The following PBX4 variants were observed in gnomAD, a reference collection of about 807,000 sequenced individuals.
The protein encoded by PBX4 is PBX homeobox 4.
In PBX4, 26 loss-of-function variants were observed where a neutral mutation model predicts 35.1. That is an observed-to-expected ratio of 0.74 (90% CI 0.54 to 1.03). PBX4 has a LOEUF of 1.03. Ranked by LOEUF, PBX4 falls within the 50% of genes least tolerant of loss-of-function variation. The pLI is 0.00. For missense variants in PBX4, 448 were observed against 504.3 expected (o/e 0.89, Z 1.07); for synonymous variants, 199 against 204.2 (o/e 0.97, Z 0.22).
chr19:19,614,669 CCCAAA>C (rs1161495807), intron 1 of PBX4, among the ~76,000 whole-genome samples: 2 of 151,894 alleles, frequency 1.3e-5, no homozygotes, highest in African/African-American at 4.8e-5. Context: ...CTCAAAAAAA[CCCAAA>C]CCAAACCAAA....
intron 1 of PBX4, among the ~76,000 whole-genome samples, chr19:19,615,409 A>G (rs2061684109): frequency 6.6e-6 from 1 of 152,074 alleles, no homozygotes; most frequent in Non-Finnish European, 1.5e-5. Flanking sequence ...CAAACAGAGC[A>G]TCTGAAACTA....
Position 19,563,225 on chromosome 19 carries a change from G to A in PBX4, c.1032+284C>T, listed in dbSNP as rs1029041391. Among the ~76,000 whole-genome samples the A allele has an allele frequency of 2.0e-5, 3 of 152,144 alleles. No individual in the cohort carries two copies. Among genetic ancestry groups the A allele is most frequent in the Non-Finnish European group, 4.4e-5 (3 of 68,002 alleles). ...CACCATGTCCTCCCACAGTCCTCTA[G>A]GAGGTGCCCTTCCCCTCCACAGCCA... On this transcript the variant is annotated intron_variant, in intron 7 of 7. Transcript: ENST00000251203. The surrounding 1 kb of genome is among the most constrained non-coding windows in gnomAD (Gnocchi z 5.1).
Position 19,570,523 on chromosome 19 carries a change from C to T in PBX4, c.441+63G>A. 3 of 1,588,506 alleles carry T rather than the reference C, an allele frequency of 1.9e-6. No individual in the cohort carries two copies. The South Asian group carries it at 3.5e-5, about 18-fold the overall frequency. On this transcript the variant is annotated intron_variant, in intron 3 of 7. Coordinates refer to ENST00000251203, the MANE Select transcript of PBX4 (RefSeq NM_025245.3). The stretch of plus-strand genomic sequence containing the variant: ...CCACGAAAGAAAGGTGGTTAGCGTT[C>T]CGTGTTTCGCTTTGACAAATGCGCA...
chr19:19,605,188 C>T (rs557860914), intron 1 of PBX4, among the ~76,000 whole-genome samples: 1 of 151,230 alleles, frequency 6.6e-6, no homozygotes, highest in East Asian at 1.9e-4. Context: ...GAAGCCAAGG[C>T]AGGTGGATCA....
chr19:19,593,193 G>C (rs956411608), intron 2 of PBX4, among the ~76,000 whole-genome samples: 4 of 152,206 alleles, frequency 2.6e-5, no homozygotes, highest in African/African-American at 9.7e-5. Flanking sequence ...GGGATTATAA[G>C]TGTGAGCCAC....
chr19:19,576,900 C>T (rs1352135095), intron 2 of PBX4, among the ~76,000 whole-genome samples: 2 of 152,082 alleles, frequency 1.3e-5, no homozygotes, highest in Admixed American at 6.6e-5. Context: ...AGTTGTGAGC[C>T]ACCACACCTG....
Position 19,577,901 on chromosome 19 carries a change from G to C in PBX4, c.194-7068C>G, listed in dbSNP as rs190029572. Among the ~76,000 whole-genome samples the C allele has an allele frequency of 4.0e-3, 598 of 151,228 alleles. 9 individuals carry two copies. Among genetic ancestry groups the C allele is most frequent in the African/African-American group, 0.014 (561 of 41,190 alleles). ...AAAAAAGATTATGCTTTTGAGGCTGGGCAAGGTGGCTCATGCCTATAATTC... is the reference window on the plus strand; with the variant it reads ...AAAAAAGATTATGCTTTTGAGGCTGCGCAAGGTGGCTCATGCCTATAATTC... On this transcript the variant is annotated intron_variant, in intron 2 of 7. Transcript: ENST00000251203.
chr19:19,585,634 A>C (rs1242379205), intron 2 of PBX4, among the ~76,000 whole-genome samples: 3 of 152,224 alleles, frequency 2.0e-5, no homozygotes, highest in Admixed American at 1.3e-4. Context: ...GAAGATCCAC[A>C]AAAGAAGTGA....
intron 1 of PBX4, among the ~76,000 whole-genome samples, chr19:19,615,496 T>C (rs2061684491): frequency 6.6e-6 from 1 of 152,084 alleles, no homozygotes; most frequent in Non-Finnish European, 1.5e-5. Context: ...CCCCAAACCA[T>C]GAACTTGAGA....
intron 6 of PBX4, among the ~76,000 whole-genome samples, chr19:19,564,025 G>A (rs2061325413): frequency 6.6e-6 from 1 of 151,484 alleles, no homozygotes; most frequent in African/African-American, 2.4e-5. Context: ...AAGTTTTAGG[G>A]TACATGTGCA....
Position 19,562,574 on chromosome 19 carries a change from TG to T in PBX4, c.1033-458del, listed in dbSNP as rs2061314105. ...GGAGGCAACCACTTGTCATAAGGGGTGGGGGCTCTGTCTGCAGTGCAGAGAC... is the reference window on the plus strand; with the variant it reads ...GGAGGCAACCACTTGTCATAAGGGGTGGGGCTCTGTCTGCAGTGCAGAGAC... On this transcript the variant is annotated intron_variant, in intron 7 of 7. Coordinates refer to ENST00000251203, the MANE Select transcript of PBX4 (RefSeq NM_025245.3). This position sits in a 1 kb window ranked among gnomAD's most constrained non-coding sequence, Gnocchi z 4.8. 6.6e-6 allele frequency among the ~76,000 whole-genome samples: 1 copy of T among 150,896 alleles called. No homozygotes were observed. The highest frequency in any genetic ancestry group is 1.5e-5 in the Non-Finnish European group (1 of 67,720).
chr19:19,568,319 A>T (rs1367667126), intron 5 of PBX4, among the ~76,000 whole-genome samples: 204 of 63,754 alleles, frequency 3.2e-3, no homozygotes, highest in Middle Eastern at 0.016. Context: ...ACACTCTATC[A>T]GTATCCCTCA....
chr19:19,577,581 T>C (rs1261161652), intron 2 of PBX4, among the ~76,000 whole-genome samples: 1 of 152,128 alleles, frequency 6.6e-6, no homozygotes, highest in African/African-American at 2.4e-5. Context: ...GATTACACAT[T>C]TTTGGCCGGG....
Position 19,618,566 on chromosome 19 carries a change from C to T in PBX4, c.64G>A (p.Val22Ile), listed in dbSNP as rs370270980. 90 of 1,382,922 alleles carry T rather than the reference C, an allele frequency of 6.5e-5. No individual in the cohort carries two copies. The African/African-American group carries it at 9.8e-4, about 15-fold the overall frequency. The allele number at this position is 1,382,922 out of a possible 1,614,324, so 85.7% of individuals were successfully genotyped here. A position where few individuals can be genotyped will look rare whatever the true frequency, so the allele number is the denominator to read the frequency against. Residue 22 changes from valine to isoleucine, a missense_variant, in exon 1 of 8, where the codon GTC becomes ATC. By Grantham distance (29) the Val-to-Ile change is conservative (BLOSUM62 3). Coordinates refer to ENST00000251203, the MANE Select transcript of PBX4 (RefSeq NM_025245.3). ...PAPRRLDTSDVLQQIMAITDQ... is the reference protein window; with the variant it reads ...PAPRRLDTSDILQQIMAITDQ... ...GTGATGGCCATGATCTGCTGCAGGA[C>T]GTCGCTCGTGTCGAGGCGCCGCGGG...
intron 1 of PBX4, among the ~76,000 whole-genome samples, chr19:19,600,523 GA>G (rs944405201): frequency 5.6e-4 from 70 of 125,942 alleles, no homozygotes; most frequent in Middle Eastern, 4.2e-3. Flanking sequence ...TTGTCATTAA[GA>G]AAAAAAAAAA....
At chr19:19,565,319 T>C (rs2061335153) in intron 5 of PBX4, among the ~76,000 whole-genome samples, 1 of 152,212 alleles carries the variant, frequency 6.6e-6, no homozygotes, top group Non-Finnish European at 1.5e-5. Flanking sequence ...CTTAGAACTC[T>C]GCTGCCTAAA....
At chr19:19,611,489 G>A (rs1471908732) in intron 1 of PBX4, among the ~76,000 whole-genome samples, 1 of 151,858 alleles carries the variant, frequency 6.6e-6, no homozygotes, top group Non-Finnish European at 1.5e-5. Context: ...GACCAGCCTG[G>A]CCAAGATGGT....
rs1406781031 is a variant in PBX4 at position 19,563,972 on chromosome 19, T to C, written c.926-357A>G. 1 of 192,396 alleles carries C rather than the reference T, an allele frequency of 5.2e-6. No individual in the cohort carries two copies. The highest frequency in any genetic ancestry group is 1.5e-4 in the East Asian group (1 of 6,722). 11.9% of individuals were successfully genotyped at this position (192,396 alleles called of 1,614,324 possible). A position where few individuals can be genotyped will look rare whatever the true frequency, so the allele number is the denominator to read the frequency against. On this transcript the variant is annotated intron_variant, in intron 6 of 7. Coordinates refer to ENST00000251203, the MANE Select transcript of PBX4 (RefSeq NM_025245.3). This position sits in a 1 kb window ranked among gnomAD's most constrained non-coding sequence, Gnocchi z 5.1. ...ACAGGCGCCCACCACCACGCCCAGA[T>C]AATTTGTTTTTTCTTTCTTTTTTTT...
rs1176104387 is a variant in PBX4 at position 19,588,272 on chromosome 19, A to T, written c.193+11020T>A. On this transcript the variant is annotated intron_variant, in intron 2 of 7. Transcript: ENST00000251203. ...GAGCCCCGGTAAGATCCATAGTTACATTCATCACATATGCACACCAGAGTG... is the reference window on the plus strand; with the variant it reads ...GAGCCCCGGTAAGATCCATAGTTACTTTCATCACATATGCACACCAGAGTG... The T allele has an allele frequency of 5.8e-6, 7 of 1,208,222 alleles. No homozygotes were observed. The African/African-American group carries it at 6.0e-5, about 10-fold the overall frequency. The allele number at this position is 1,208,222 out of a possible 1,614,324, so 74.8% of individuals were successfully genotyped here.
Sources: gnomAD v4.1 joint callset for allele counts (sites outside exome capture counted in the v4.1 genomes callset) on GRCh38, gnomAD v4.1.1 for gene constraint, Gnocchi (gnomAD v3.1) non-coding constraint, MANE v1.5 for transcripts, NCBI Gene and HGNC (gene_info 2026-07-23, HGNC 2026-07-21) for gene names.